The following PHC3 variants were observed in gnomAD, a reference collection of about 807,000 sequenced individuals.
The protein encoded by PHC3 is polyhomeotic-like protein 3.
PHC3 carries 13 observed loss-of-function variants against 107.4 expected under a neutral mutation model. The observed-to-expected ratio is 0.12, with a 90% CI of 0.08 to 0.19. PHC3 has a LOEUF of 0.19. PHC3 is among the 10% of genes least tolerant of loss of function. The probability of loss-of-function intolerance (pLI) is 1.00; values close to 1 mark genes in which losing one functional copy is unlikely to be tolerated. For missense variants in PHC3, 992 were observed against 1,210.9 expected, an observed-to-expected ratio of 0.82 and a Z score of 2.68; for synonymous variants, 456 against 427.4, an observed-to-expected ratio of 1.07 and a Z score of -0.83.
At chr3:170,117,681 G>A (rs1056323876) in intron 9 of PHC3, among the ~76,000 whole-genome samples, 12 of 152,110 alleles carry the variant, frequency 7.9e-5, no homozygotes, top group Non-Finnish European at 1.8e-4. Context: ...GAGGAGGGTA[G>A]CTTGCTCAAA....
chr3:170,104,643 T>TA (rs948709242), intron 12 of PHC3, among the ~76,000 whole-genome samples: 6 of 152,228 alleles, frequency 3.9e-5, no homozygotes, highest in African/African-American at 1.4e-4. Flanking sequence ...CTAACTATTC[T>TA]AGAACCAGTA....
intron 2 of PHC3, among the ~76,000 whole-genome samples, chr3:170,175,587 A>C (rs1364616693): frequency 4.7e-5 from 7 of 149,162 alleles, no homozygotes; most frequent in Non-Finnish European, 1.0e-4. Context: ...TGATCATGCC[A>C]CTGGACTCCA....
chr3:170,112,964 C>G (rs1718126082), intron 11 of PHC3, among the ~76,000 whole-genome samples: 1 of 152,124 alleles, frequency 6.6e-6, no homozygotes, highest in African/African-American at 2.4e-5. Flanking sequence ...TGCAGAAAGT[C>G]TGAAACGAAA....
At chr3:170,122,343 C>T (rs951494402) in intron 9 of PHC3, among the ~76,000 whole-genome samples, 9 of 152,116 alleles carry the variant, frequency 5.9e-5, no homozygotes, top group Admixed American at 4.6e-4. Flanking sequence ...ATGGCTCACA[C>T]CTGTAATCCT....
Position 170,095,825 on chromosome 3 carries a change from T to A in PHC3, c.*1405A>T, listed in dbSNP as rs1163062709. 1 of 152,168 alleles carries A rather than the reference T, an allele frequency of 6.6e-6. No homozygotes were observed. The allele number at this position is 152,168 out of a possible 1,614,324, so 9.4% of individuals were successfully genotyped here. A position where few individuals can be genotyped will look rare whatever the true frequency, so the allele number is the denominator to read the frequency against. The stretch of plus-strand genomic sequence containing the variant: ...CTATAGAACACTGTTCAGTAAAAGG[T>A]TTTGCTTTACATTTTTTTCCTCAAA... On this transcript the variant is annotated 3_prime_UTR_variant, in exon 15 of 15. Coordinates refer to ENST00000495893, the MANE Select transcript of PHC3 (RefSeq NM_024947.4).
At position 170,095,840 on chromosome 3, in the gene PHC3, T is replaced by C. The variant is rs1036132275; in HGVS notation, c.*1390A>G. On this transcript the variant is annotated 3_prime_UTR_variant, in exon 15 of 15. Coordinates refer to ENST00000495893, the MANE Select transcript of PHC3 (RefSeq NM_024947.4). The stretch of plus-strand genomic sequence containing the variant: ...CAGTAAAAGGTTTTGCTTTACATTT[T>C]TTTCCTCAAACATGTACATACAAAA... The C allele has an allele frequency of 3.6e-4, 55 of 152,180 alleles. No homozygotes were observed. Among genetic ancestry groups the C allele is most frequent in the Non-Finnish European group, 2.4e-4 (16 of 68,036 alleles). 9.4% of individuals were successfully genotyped at this position (152,180 alleles called of 1,614,324 possible). A position where few individuals can be genotyped will look rare whatever the true frequency, so the allele number is the denominator to read the frequency against.
intron 4 of PHC3, among the ~76,000 whole-genome samples, chr3:170,164,178 AGAGT>A (rs1260196721): frequency 2.0e-5 from 3 of 152,132 alleles, no homozygotes; most frequent in Non-Finnish European, 2.9e-5. Context: ...CCTGGCCAAC[AGAGT>A]GAGATAGTAT....
intron 1 of PHC3, 133 bp downstream of exon 1, chr3:170,181,569 G>A: frequency 7.4e-7 from 1 of 1,346,308 alleles, no homozygotes; most frequent in East Asian, 2.4e-5. Flanking sequence ...GCTCCTCCAC[G>A]ATAGGACGGG....
At chr3:170,179,031 TAAA>T in intron 1 of PHC3, 93 bp from the exon 2 acceptor site, 1 of 1,210,272 alleles carries the variant, frequency 8.3e-7, no homozygotes, top group East Asian at 2.3e-5. Flanking sequence ...AGCAGTAATC[TAAA>T]CTGCTAGGAA....
chr3:170,169,384 T>C (rs575605642), intron 4 of PHC3, among the ~76,000 whole-genome samples: 1 of 152,204 alleles, frequency 6.6e-6, no homozygotes. Flanking sequence ...ACTTAAGAGA[T>C]CTGTTACCAT....
chr3:170,167,691 T>C (rs1232452928), intron 4 of PHC3, among the ~76,000 whole-genome samples: 1 of 144,870 alleles, frequency 6.9e-6, no homozygotes, highest in Non-Finnish European at 1.5e-5. Flanking sequence ...ACCCAAGAGG[T>C]GGAGGTTGCA....
intron 9 of PHC3, among the ~76,000 whole-genome samples, chr3:170,119,664 C>G (rs1481342178): frequency 6.6e-6 from 1 of 152,108 alleles, no homozygotes; most frequent in Non-Finnish European, 1.5e-5. Flanking sequence ...ACAAATCTGT[C>G]TATTCTCAGT....
At chr3:170,153,273 G>A (rs544465040) in intron 4 of PHC3, among the ~76,000 whole-genome samples, 1 of 152,200 alleles carries the variant, frequency 6.6e-6, no homozygotes, top group African/African-American at 2.4e-5. Context: ...AATCAGTCAC[G>A]TATCTTGTTT....
chr3:170,158,987 C>T (rs528079126), intron 4 of PHC3, among the ~76,000 whole-genome samples: 2 of 150,892 alleles, frequency 1.3e-5, no homozygotes, highest in African/African-American at 4.9e-5. Context: ...CGTGGTGGCT[C>T]ACACCTGTAA....
chr3:170,145,151 A>G (rs894826803), intron 6 of PHC3, among the ~76,000 whole-genome samples: 1 of 152,262 alleles, frequency 6.6e-6, no homozygotes, highest in Non-Finnish European at 1.5e-5. Context: ...GCTTTATGAG[A>G]AAACTAAACA....
At chr3:170,112,535 T>G (rs1023652775) in intron 11 of PHC3, among the ~76,000 whole-genome samples, 2 of 149,602 alleles carry the variant, frequency 1.3e-5, no homozygotes, top group African/African-American at 4.9e-5. Context: ...TTTTTTTTTT[T>G]TTTTTTGAGA....
At chr3:170,108,353 C>T (rs1716975456) in intron 11 of PHC3, among the ~76,000 whole-genome samples, 1 of 152,070 alleles carries the variant, frequency 6.6e-6, no homozygotes, top group African/African-American at 2.4e-5. Context: ...ACTGGGGAAG[C>T]AGATGGCAAA....
chr3:170,120,841 G>A (rs967614479), intron 9 of PHC3, among the ~76,000 whole-genome samples: 3 of 152,112 alleles, frequency 2.0e-5, no homozygotes, highest in African/African-American at 7.2e-5. Flanking sequence ...CATGCCTGTT[G>A]TAGCAGTCCT....
intron 6 of PHC3, among the ~76,000 whole-genome samples, chr3:170,138,405 A>G (rs1723481952): frequency 6.6e-6 from 1 of 151,964 alleles, no homozygotes; most frequent in South Asian, 2.1e-4. Flanking sequence ...AAAACAAAAT[A>G]TACTGACTGG....
Sources: gnomAD v4.1 joint callset for allele counts (sites outside exome capture counted in the v4.1 genomes callset) on GRCh38, gnomAD v4.1.1 for gene constraint, MANE v1.5 for transcripts, NCBI Gene and HGNC (gene_info 2026-07-23, HGNC 2026-07-21) for gene names.